Variants in PTPN3 observed in about 807,000 individuals in gnomAD.
PTPN3 encodes the protein tyrosine-protein phosphatase non-receptor type 3.
Under a neutral mutation model 132.7 loss-of-function variants are expected in PTPN3, and 96 were observed. The ratio of observed to expected loss-of-function variants is 0.72; its 90% CI spans 0.61 to 0.86. The LOEUF (loss-of-function observed/expected upper bound fraction) is 0.86, where lower values mean the gene tolerates loss of function less well. PTPN3 is among the 40% of genes least tolerant of loss of function. The pLI is 0.00. For synonymous variants in PTPN3, 398 were observed against 429.0 expected, an observed-to-expected ratio of 0.93 and a Z score of 0.89; for missense variants, 1,125 against 1,159.6, an observed-to-expected ratio of 0.97 and a Z score of 0.43.
the PTPN3 span, among the ~76,000 whole-genome samples, chr9:109,521,753 G>A: frequency 6.6e-6 from 1 of 152,198 alleles, no homozygotes; most frequent in South Asian, 2.1e-4. Flanking sequence ...GCAAAGACGA[G>A]GTCTAGCTTG....
the PTPN3 span, among the ~76,000 whole-genome samples, chr9:109,535,705 C>A: frequency 6.6e-6 from 1 of 152,044 alleles, no homozygotes; most frequent in Non-Finnish European, 1.5e-5. Context: ...TAGGGTTTCA[C>A]CACGTTGGCC....
the PTPN3 span, chr9:109,534,214 G>C: frequency 3.0e-6 from 4 of 1,325,966 alleles, no homozygotes; most frequent in South Asian, 1.2e-5. Context: ...GAAGCCTCCC[G>C]GGCCACCGTT....
chr9:109,408,558 TG>T (rs1841765334), intron 16 of PTPN3, among the ~76,000 whole-genome samples, 181 bp from the exon 17 acceptor site: 1 of 151,976 alleles, frequency 6.6e-6, no homozygotes, highest in Non-Finnish European at 1.5e-5. Context: ...TTCAGAAATA[TG>T]GAACAAATTC....
intron 22 of PTPN3, among the ~76,000 whole-genome samples, chr9:109,388,129 A>C (rs563656639): frequency 9.2e-5 from 14 of 152,316 alleles, no homozygotes; most frequent in African/African-American, 3.4e-4. Flanking sequence ...GGAGATGCTG[A>C]AAATTTCATC....
chr9:109,445,308 CATATTAG>C lies in PTPN3; in HGVS notation c.414-23_414-17del. On this transcript the variant is annotated splice_polypyrimidine_tract_variant and intron_variant, in intron 6 of 25. Coordinates refer to ENST00000374541, the MANE Select transcript of PTPN3 (RefSeq NM_002829.4). ...GCAGGTTAACCTGTCAGGAGAAAAA[CATATTAG>C]CAAAGTCACAAGAACCAACAACAGC... The C allele has an allele frequency of 6.2e-7, 1 of 1,608,948 alleles. No homozygotes were observed. Among genetic ancestry groups the C allele is most frequent in the Non-Finnish European group, 8.5e-7 (1 of 1,175,314 alleles).
intron 5 of PTPN3, chr9:109,450,529 G>A: frequency 7.1e-6 from 7 of 985,204 alleles, no homozygotes; most frequent in Non-Finnish European, 6.0e-6. Context: ...CATATATTGA[G>A]CAAAGTTTCT....
the PTPN3 span, chr9:109,533,956 A>G: frequency 1.8e-3 from 1,327 of 756,948 alleles, 16 homozygotes; most frequent in African/African-American, 0.021. Context: ...CAGGACCTAT[A>G]ACATGTGCTG....
intron 14 of PTPN3, among the ~76,000 whole-genome samples, chr9:109,415,423 C>T (rs1007205663): frequency 1.3e-5 from 2 of 152,020 alleles, no homozygotes; most frequent in African/African-American, 4.8e-5. Flanking sequence ...TGGCAAAACA[C>T]TGATAATAAC....
intron 22 of PTPN3, among the ~76,000 whole-genome samples, chr9:109,386,745 A>T (rs1412301424): frequency 6.6e-6 from 1 of 152,208 alleles, no homozygotes; most frequent in Admixed American, 6.5e-5. Flanking sequence ...TCTCAAGGTG[A>T]GACTTTACGT....
At position 109,466,214 on chromosome 9, in the gene PTPN3, T is replaced by A. The variant is rs145358403; in HGVS notation, c.-17-2763A>T. Among the ~76,000 whole-genome samples the A allele has an allele frequency of 3.3e-5, 5 of 152,240 alleles. No individual in the cohort carries two copies. In the East Asian group the frequency reaches 9.6e-4, roughly 29 times the overall value. ...ATGTCCGAATGAATGGAAGGAAGAA[T>A]GAAATAGAAAATGAAGCTAAATTTT... On this transcript the variant is annotated intron_variant, in intron 1 of 25. Coordinates refer to ENST00000374541, the MANE Select transcript of PTPN3 (RefSeq NM_002829.4).
At chr9:109,506,427 T>G in the PTPN3 span, among the ~76,000 whole-genome samples, 1 of 152,118 alleles carries the variant, frequency 6.6e-6, no homozygotes, top group Non-Finnish European at 1.5e-5. Flanking sequence ...TTTTTGTACC[T>G]TCTGAATTTT....
At chr9:109,388,358 G>A (rs1006854962) in intron 22 of PTPN3, among the ~76,000 whole-genome samples, 1 of 152,146 alleles carries the variant, frequency 6.6e-6, no homozygotes. Flanking sequence ...AAGTTCCAGG[G>A]CCAGAGATAG....
intron 1 of PTPN3, among the ~76,000 whole-genome samples, chr9:109,491,817 G>A (rs975039596): frequency 2.0e-5 from 3 of 152,226 alleles, no homozygotes; most frequent in Non-Finnish European, 4.4e-5. Flanking sequence ...CCTGCAGCAG[G>A]AAGGAGCACG....
intron 5 of PTPN3, chr9:109,450,312 A>G: frequency 1.0e-6 from 1 of 985,304 alleles, no homozygotes. Context: ...GTTTGTTTCT[A>G]TGTTTATCCA....
At chr9:109,475,530 G>A (rs554278925) in intron 1 of PTPN3, among the ~76,000 whole-genome samples, 9 of 152,146 alleles carry the variant, frequency 5.9e-5, no homozygotes, top group Non-Finnish European at 1.2e-4. Flanking sequence ...TTTTCCCTCC[G>A]AGTAGTTCCA....
intron 13 of PTPN3, among the ~76,000 whole-genome samples, chr9:109,422,496 G>A (rs1423594520): frequency 6.6e-6 from 1 of 152,170 alleles, no homozygotes; most frequent in Non-Finnish European, 1.5e-5. Flanking sequence ...AAACTATTTA[G>A]ATTGAATAAG....
chr9:109,534,645 A>C, the PTPN3 span, among the ~76,000 whole-genome samples: 2 of 149,698 alleles, frequency 1.3e-5, no homozygotes, highest in African/African-American at 4.9e-5. Flanking sequence ...AAAAAAAAAA[A>C]AAAAAAAATA....
chr9:109,419,507 C>G (rs976633087), intron 14 of PTPN3, among the ~76,000 whole-genome samples: 1 of 152,122 alleles, frequency 6.6e-6, no homozygotes, highest in Non-Finnish European at 1.5e-5. Context: ...ACAGTTGATC[C>G]TTTACTATCA....
At chr9:109,497,400 G>A (rs1054048557) in intron 1 of PTPN3, among the ~76,000 whole-genome samples, 10 of 152,170 alleles carry the variant, frequency 6.6e-5, no homozygotes, top group African/African-American at 2.4e-4. Flanking sequence ...GGAGGAAACT[G>A]AGGACCAGAG....
Sources: gnomAD v4.1 joint callset for allele counts (sites outside exome capture counted in the v4.1 genomes callset) on GRCh38, gnomAD v4.1.1 for gene constraint, MANE v1.5 for transcripts, NCBI Gene and HGNC (gene_info 2026-07-23, HGNC 2026-07-21) for gene names.